Variants in TIPIN observed in about 807,000 individuals in gnomAD.
The protein encoded by TIPIN is TIMELESS-interacting protein.
TIPIN carries 29 observed loss-of-function variants against 35.6 expected under a neutral mutation model. The ratio of observed to expected loss-of-function variants is 0.82; its 90% CI spans 0.61 to 1.11. The LOEUF (loss-of-function observed/expected upper bound fraction) is 1.11, where lower values mean the gene tolerates loss of function less well. TIPIN is among the 50% of genes most tolerant of loss of function. The pLI, the probability that TIPIN is intolerant of heterozygous loss-of-function variation, is 0.00. For synonymous variants in TIPIN, 102 were observed against 121.5 expected (o/e 0.84, Z 1.06); for missense variants, 296 against 345.4 (o/e 0.86, Z 1.13).
rs1849609501 is a variant in TIPIN at position 66,373,372 on chromosome 15, A to AT, written c.-9+13234_-9+13235insA. Among the ~76,000 whole-genome samples, 3 of 152,142 alleles carry AT rather than the reference A, an allele frequency of 2.0e-5. No homozygotes were observed. The South Asian group carries it at 6.2e-4, about 32-fold the overall frequency. On this transcript the variant is annotated intron_variant, in intron 1 of 7. Transcript: ENST00000562124. Reference sequence around the variant, plus strand: ...GCCAGGTGTGGTGGCGGGCGCCTGTAGTCCCAGCTACTCGGGAGGCCGAGG... The same window carrying AT: ...GCCAGGTGTGGTGGCGGGCGCCTGTATGTCCCAGCTACTCGGGAGGCCGAGG...
At chr15:66,356,768 G>A (rs1360452972), upstream of TIPIN, 1 of 982,394 alleles carries the variant, frequency 1.0e-6, no homozygotes, top group Non-Finnish European at 1.2e-6. Flanking sequence ...CGGGGGGCTG[G>A]GCGGAGCCTG....
chr15:66,370,512 G>A (rs1390037043), intron 1 of TIPIN, among the ~76,000 whole-genome samples: 1 of 151,724 alleles, frequency 6.6e-6, no homozygotes, highest in African/African-American at 2.4e-5. Context: ...ATGGGGCGGG[G>A]TGCAGAGGGG....
At chr15:66,347,364 T>A (rs758530007) in intron 6 of TIPIN, 1 of 484,446 alleles carries the variant, frequency 2.1e-6, no homozygotes, top group East Asian at 5.7e-5. Flanking sequence ...TAAAGTCCTA[T>A]ATCCGAGAGC....
intron 7 of TIPIN, among the ~76,000 whole-genome samples, chr15:66,337,496 A>G (rs1402066329): frequency 2.0e-5 from 3 of 151,798 alleles, no homozygotes; most frequent in Non-Finnish European, 4.4e-5. Context: ...TAATTTTGGT[A>G]TTTTTAGAAG....
chr15:66,354,209 C>T lies in TIPIN; in HGVS notation c.-8-1254G>A, dbSNP rs775031145. Among the ~76,000 whole-genome samples, 7 of 152,278 alleles carry T rather than the reference C, an allele frequency of 4.6e-5. 1 individual carries two copies. Among genetic ancestry groups the T allele is most frequent in the Admixed American group, 4.6e-4 (7 of 15,294 alleles). ...ATCTCTACCCTAGGCCTTGACTCTG[C>T]GATCCAGATCACTACTTCCCATTTT... On this transcript the variant is annotated intron_variant, in intron 1 of 7. Transcript: ENST00000261881.
At position 66,370,437 on chromosome 15, in the gene TIPIN, C is replaced by T. The variant is rs752324947; in HGVS notation, c.-9+16170G>A. Among the ~76,000 whole-genome samples, 9 of 142,974 alleles carry T rather than the reference C, an allele frequency of 6.3e-5. No homozygotes were observed. In the South Asian group the frequency reaches 1.3e-3, roughly 21 times the overall value. The allele number at this position is 142,974 out of a possible 152,430, so 93.8% of individuals were successfully genotyped here. A position where few individuals can be genotyped will look rare whatever the true frequency, so the allele number is the denominator to read the frequency against. ...GTTTCATTGCATTCAGAATGTCGGA[C>T]GTGAAGAACCAAGGAAGCGGATGTC... On this transcript the variant is annotated intron_variant, in intron 1 of 7. Transcript: ENST00000562124.
intron 1 of TIPIN, among the ~76,000 whole-genome samples, chr15:66,362,115 C>T (rs2093234087): frequency 6.6e-6 from 1 of 151,962 alleles, no homozygotes; most frequent in East Asian, 1.9e-4. Flanking sequence ...ACCAGCCTGG[C>T]CAACATGGTG....
intron 3 of TIPIN, among the ~76,000 whole-genome samples, chr15:66,351,892 G>A (rs1165371521): frequency 6.6e-6 from 1 of 151,730 alleles, no homozygotes; most frequent in African/African-American, 2.4e-5. Flanking sequence ...GCCCACGTAG[G>A]CCTCCCAAAG....
At chr15:66,346,326 A>G (rs1012423793) in intron 6 of TIPIN, among the ~76,000 whole-genome samples, 12 of 150,434 alleles carry the variant, frequency 8.0e-5, no homozygotes, top group Non-Finnish European at 1.5e-4. Flanking sequence ...ACACCTCTGC[A>G]TAGATGGCTC....
chr15:66,384,391 T>C (rs1219636517), intron 1 of TIPIN, among the ~76,000 whole-genome samples: 1 of 151,992 alleles, frequency 6.6e-6, no homozygotes, highest in Non-Finnish European at 1.5e-5. Context: ...GCCTCCCTGG[T>C]TCAGGCAATT....
chr15:66,341,075 T>C, intron 7 of TIPIN, 75 bp downstream of exon 7: 1 of 1,334,288 alleles, frequency 7.5e-7, no homozygotes, highest in Admixed American at 2.0e-5. Context: ...TTTTGGGGGC[T>C]AGCAGAGAAG....
intron 1 of TIPIN, among the ~76,000 whole-genome samples, chr15:66,384,890 C>T (rs746353697): frequency 6.6e-6 from 1 of 151,234 alleles, no homozygotes; most frequent in Non-Finnish European, 1.5e-5. Context: ...CAAGCCTGGG[C>T]AAAAAGAGCA....
intron 1 of TIPIN, among the ~76,000 whole-genome samples, chr15:66,356,252 C>G (rs920495923): frequency 1.3e-5 from 2 of 152,116 alleles, no homozygotes; most frequent in Non-Finnish European, 2.9e-5. Context: ...CCTCCCATAC[C>G]TCTTCTCCAG....
At chr15:66,384,218 C>T (rs566311582) in intron 1 of TIPIN, among the ~76,000 whole-genome samples, 1 of 151,478 alleles carries the variant, frequency 6.6e-6, no homozygotes, top group East Asian at 2.0e-4. Flanking sequence ...AGGATGGTCT[C>T]GATTTCCTGA....
chr15:66,371,838 A>C (rs1343198633), intron 1 of TIPIN, among the ~76,000 whole-genome samples: 3 of 151,972 alleles, frequency 2.0e-5, no homozygotes. Flanking sequence ...TCTTTTGCCC[A>C]GGCTGGGGTG....
intron 1 of TIPIN, chr15:66,379,945 A>G (rs2140500735): frequency 9.6e-7 from 1 of 1,041,642 alleles, no homozygotes; most frequent in South Asian, 1.4e-5. Context: ...AAGGACCTGG[A>G]ATTTATTATA....
At chr15:66,370,281 C>G (rs1432252010) in intron 1 of TIPIN, among the ~76,000 whole-genome samples, 16 of 152,166 alleles carry the variant, frequency 1.1e-4, no homozygotes, top group Admixed American at 1.0e-3. Context: ...CTGGATCTGA[C>G]ATCCTGTATG....
chr15:66,382,987 T>C (rs1455826910), intron 1 of TIPIN: 1 of 985,262 alleles, frequency 1.0e-6, no homozygotes, highest in Non-Finnish European at 1.2e-6. Context: ...CCTTGAACTA[T>C]TCTGCAAACT....
chr15:66,360,942 G>T (rs1399256754), upstream of TIPIN, among the ~76,000 whole-genome samples: 2 of 152,060 alleles, frequency 1.3e-5, no homozygotes, highest in African/African-American at 4.8e-5. Flanking sequence ...CTCCAGCCTG[G>T]GCTACAGAAG....
Sources: allele counts gnomAD v4.1 joint callset (sites outside exome capture counted in the v4.1 genomes callset), GRCh38; gene constraint gnomAD v4.1.1; transcripts MANE v1.5; gene names NCBI Gene and HGNC (gene_info 2026-07-23, HGNC 2026-07-21).